Variants in LUZP2 observed in about 807,000 individuals in gnomAD.
LUZP2 encodes the protein leucine zipper protein 2.
A neutral mutation model predicts 51.6 loss-of-function variants in LUZP2; 52 were observed. The ratio of observed to expected loss-of-function variants is 1.01; its 90% confidence interval spans 0.81 to 1.27. The LOEUF is 1.27. LUZP2 is among the 50% of genes most tolerant of loss of function. The pLI is 0.00. For missense variants in LUZP2, 436 were observed against 395.4 expected (o/e 1.10, Z -0.87); for synonymous variants, 154 against 137.3 (o/e 1.12, Z -0.85).
In LUZP2 at chr11:24,777,855, G is replaced by T. The variant is rs11028168; in HGVS notation, c.396+14547G>T. Among the ~76,000 whole-genome samples the T allele has an allele frequency of 9.3e-3, 1,407 of 151,636 alleles. 28 individuals are homozygous for T. Among genetic ancestry groups the T allele is most frequent in the African/African-American group, 0.032 (1,317 of 41,362 alleles). On this transcript the variant is annotated intron_variant, in intron 5 of 11. Transcript: ENST00000336930. ...GAGTATACAACATGAAATCTCTCCC[G>T]TTAATACATTTTAAAGTATATAATA... is the stretch of plus-strand genomic sequence containing the variant.
chr11:24,514,094 GT>G (rs1248629073), intron 1 of LUZP2, among the ~76,000 whole-genome samples: 3 of 152,164 alleles, frequency 2.0e-5, no homozygotes, highest in African/African-American at 7.2e-5. Flanking sequence ...CCCCTAAACA[GT>G]GCCCATAAAC....
chr11:24,672,448 C>G (rs375609922), intron 1 of LUZP2, among the ~76,000 whole-genome samples: 1 of 152,082 alleles, frequency 6.6e-6, no homozygotes, highest in East Asian at 1.9e-4. Context: ...ACATATGCTA[C>G]TATATTTAAT....
At chr11:24,534,930 A>G (rs545647928) in intron 1 of LUZP2, among the ~76,000 whole-genome samples, 18 of 151,514 alleles carry the variant, frequency 1.2e-4, no homozygotes, top group African/African-American at 4.3e-4. Flanking sequence ...ATTTTCCACC[A>G]TAAACATAGA....
At chr11:24,924,821 A>G (rs2133822059) in intron 7 of LUZP2, among the ~76,000 whole-genome samples, 1 of 152,306 alleles carries the variant, frequency 6.6e-6, no homozygotes, top group South Asian at 2.1e-4. Context: ...GCAATTGGTT[A>G]AAAGAGTTTA....
At chr11:24,766,283 C>G (rs1860187441) in intron 5 of LUZP2, among the ~76,000 whole-genome samples, 1 of 151,952 alleles carries the variant, frequency 6.6e-6, no homozygotes, top group Admixed American at 6.6e-5. Context: ...TGTGTATTTC[C>G]TTGCATCAAA....
intron 4 of LUZP2, among the ~76,000 whole-genome samples, chr11:24,755,590 GA>G (rs746929777): frequency 3.3e-4 from 51 of 152,296 alleles, no homozygotes; most frequent in Middle Eastern, 6.8e-3. Context: ...CGGATGGATT[GA>G]ATGGACTCCC....
chr11:24,511,280 G>C (rs1162188219), intron 1 of LUZP2, among the ~76,000 whole-genome samples: 3 of 152,172 alleles, frequency 2.0e-5, no homozygotes, highest in Admixed American at 1.3e-4. Flanking sequence ...TACGTGAAAT[G>C]ATGTGTAGCA....
intron 1 of LUZP2, among the ~76,000 whole-genome samples, chr11:24,664,222 G>A (rs1590316919): frequency 6.6e-6 from 1 of 152,130 alleles, no homozygotes; most frequent in South Asian, 2.1e-4. Flanking sequence ...ACTTCCTAGA[G>A]ACTTGTTAAA....
At chr11:25,007,498 G>A (rs543186726) in intron 9 of LUZP2, among the ~76,000 whole-genome samples, 87 of 152,236 alleles carry the variant, frequency 5.7e-4, no homozygotes, top group African/African-American at 1.9e-3. Context: ...AGCTACTCAG[G>A]AGGCTGAGGT....
At chr11:24,956,594 T>C (rs1855219684) in intron 7 of LUZP2, among the ~76,000 whole-genome samples, 1 of 152,098 alleles carries the variant, frequency 6.6e-6, no homozygotes, top group African/African-American at 2.4e-5. Context: ...TGAAACATAA[T>C]GGAGTTCTGT....
chr11:24,506,466 T>C (rs1445664853), intron 1 of LUZP2, among the ~76,000 whole-genome samples: 1 of 152,114 alleles, frequency 6.6e-6, no homozygotes, highest in Non-Finnish European at 1.5e-5. Context: ...TTCCTTCAGA[T>C]GCCACAGAGA....
chr11:24,829,602 A>C (rs998160842), intron 5 of LUZP2, among the ~76,000 whole-genome samples: 1 of 152,228 alleles, frequency 6.6e-6, no homozygotes, highest in African/African-American at 2.4e-5. Flanking sequence ...TTGATTGGCT[A>C]TAGCCATTGC....
At chr11:24,628,458 C>G (rs1854761225) in intron 1 of LUZP2, among the ~76,000 whole-genome samples, 2 of 152,102 alleles carry the variant, frequency 1.3e-5, no homozygotes, top group Non-Finnish European at 2.9e-5. Flanking sequence ...CCTTAAGATG[C>G]TTTTTTTCTT....
At chr11:24,909,040 C>T (rs575087001) in intron 6 of LUZP2, among the ~76,000 whole-genome samples, 1 of 151,964 alleles carries the variant, frequency 6.6e-6, no homozygotes, top group African/African-American at 2.4e-5. Context: ...GGATTACAGG[C>T]ATGAGCCACC....
chr11:24,499,323 G>A (rs1485895044), intron 1 of LUZP2, among the ~76,000 whole-genome samples: 4 of 152,152 alleles, frequency 2.6e-5, no homozygotes, highest in Non-Finnish European at 4.4e-5. Flanking sequence ...AATATGAAAA[G>A]CAATGCGGTA....
intron 1 of LUZP2, among the ~76,000 whole-genome samples, chr11:24,512,416 G>A (rs72872507): frequency 0.48 from 72,422 of 151,904 alleles, 17,367 homozygotes; most frequent in South Asian, 0.63. Context: ...CAAGTAAGAC[G>A]TGGGAAAAAA....
Position 24,544,990 on chromosome 11 carries a change from T to G in LUZP2, c.62+47685T>G, listed in dbSNP as rs550967416. 2.0e-5 allele frequency among the ~76,000 whole-genome samples: 3 copies of G among 152,302 alleles called. No homozygotes were observed. The South Asian group carries it at 6.2e-4, about 32-fold the overall frequency. ...TTAATAGTAGTCATTCTGACTGGTGTGAGATGATATCTCATTGTGGTTTTG... is the reference window on the plus strand; with the variant it reads ...TTAATAGTAGTCATTCTGACTGGTGGGAGATGATATCTCATTGTGGTTTTG... On this transcript the variant is annotated intron_variant, in intron 1 of 11. Coordinates refer to ENST00000336930, the MANE Select transcript of LUZP2 (RefSeq NM_001009909.4).
intron 5 of LUZP2, among the ~76,000 whole-genome samples, chr11:24,856,426 A>G (rs1320853483): frequency 6.6e-6 from 1 of 152,100 alleles, no homozygotes; most frequent in Non-Finnish European, 1.5e-5. Context: ...TAAAAAGTCA[A>G]TAAAAGTTAT....
At chr11:25,001,024 G>A (rs140060699) in intron 9 of LUZP2, among the ~76,000 whole-genome samples, 1,686 of 152,198 alleles carry the variant, frequency 0.011, 37 homozygotes, top group African/African-American at 0.037. Context: ...ATGGCCCTGC[G>A]CTGATGGACT....
Sources: allele counts gnomAD v4.1 joint callset (sites outside exome capture counted in the v4.1 genomes callset), GRCh38; gene constraint gnomAD v4.1.1; transcripts MANE v1.5; gene names NCBI Gene and HGNC (gene_info 2026-07-23, HGNC 2026-07-21).